UTRN: variants seen among roughly 807,000 people sequenced by gnomAD.
The protein encoded by UTRN is dystrophin-related protein 1.
UTRN carries 283 observed loss-of-function variants against 463.9 expected under a neutral mutation model. The ratio of observed to expected loss-of-function variants is 0.61; its 90% CI spans 0.55 to 0.67. The LOEUF (loss-of-function observed/expected upper bound fraction) is 0.67. UTRN is among the 30% of genes least tolerant of loss of function. UTRN has a pLI of 0.00. For missense variants in UTRN, 3,922 were observed against 4,084.3 expected, an observed-to-expected ratio of 0.96 and a Z score of 1.08; for synonymous variants, 1,442 against 1,431.5, an observed-to-expected ratio of 1.01 and a Z score of -0.17.
chr6:144,345,261 C>A (rs1281881848), intron 2 of UTRN, among the ~76,000 whole-genome samples: 1 of 152,156 alleles, frequency 6.6e-6, no homozygotes, highest in African/African-American at 2.4e-5. Flanking sequence ...AATTGGGTTT[C>A]TTGAACAAGT....
intron 51 of UTRN, among the ~76,000 whole-genome samples, chr6:144,648,980 G>A (rs1268924295): frequency 1.3e-5 from 2 of 152,126 alleles, no homozygotes; most frequent in African/African-American, 4.8e-5. Flanking sequence ...TGACAAGGAA[G>A]GGAAAGCACA....
At chr6:144,371,057 G>T (rs901362163) in intron 2 of UTRN, among the ~76,000 whole-genome samples, 1 of 152,154 alleles carries the variant, frequency 6.6e-6, no homozygotes, top group Non-Finnish European at 1.5e-5. Flanking sequence ...ACTCATCCCT[G>T]CAAGGGGGCC....
chr6:144,579,638 CAAA>C (rs1801768990), intron 51 of UTRN, among the ~76,000 whole-genome samples: 1 of 151,984 alleles, frequency 6.6e-6, no homozygotes, highest in East Asian at 1.9e-4. Flanking sequence ...TAAAATCTTT[CAAA>C]ATAAAAATAT....
chr6:144,571,233 A>T (rs1393437643), intron 50 of UTRN, among the ~76,000 whole-genome samples: 2 of 151,990 alleles, frequency 1.3e-5, no homozygotes, highest in African/African-American at 4.8e-5. Flanking sequence ...TTTTCTGTTG[A>T]TGTTTTAAAA....
At chr6:144,473,036 G>T in intron 23 of UTRN, among the ~76,000 whole-genome samples, 1 of 152,066 alleles carries the variant, frequency 6.6e-6, no homozygotes, top group Non-Finnish European at 1.5e-5. Context: ...AAAGTGCTGG[G>T]ATTACAAGCG....
At chr6:144,740,757 C>T (rs1789967875) in intron 54 of UTRN, among the ~76,000 whole-genome samples, 1 of 152,114 alleles carries the variant, frequency 6.6e-6, no homozygotes, top group Admixed American at 6.6e-5. Context: ...AAATGTTTTT[C>T]ATGCTAACTC....
intron 33 of UTRN, among the ~76,000 whole-genome samples, chr6:144,496,914 G>A (rs1452304833): frequency 6.6e-6 from 1 of 152,192 alleles, no homozygotes; most frequent in Non-Finnish European, 1.5e-5. Context: ...ATATATAAAA[G>A]CTCTAAGGCA....
At chr6:144,351,363 G>T (rs145070227) in intron 2 of UTRN, among the ~76,000 whole-genome samples, 10 of 152,152 alleles carry the variant, frequency 6.6e-5, no homozygotes, top group Non-Finnish European at 1.5e-5. Flanking sequence ...TTACCAGTGT[G>T]TCCTCGTCCT....
At chr6:144,778,911 G>A (rs1490919197) in intron 60 of UTRN, among the ~76,000 whole-genome samples, 7 of 152,150 alleles carry the variant, frequency 4.6e-5, no homozygotes, top group Admixed American at 3.3e-4. Context: ...TGATTTAAAT[G>A]TAGTCAGTTC....
At chr6:144,577,814 A>G (rs1327430727) in intron 51 of UTRN, among the ~76,000 whole-genome samples, 1 of 152,226 alleles carries the variant, frequency 6.6e-6, no homozygotes, top group African/African-American at 2.4e-5. Context: ...AAAACTTTTC[A>G]TTTATAAACA....
rs550033860 is a variant in UTRN, at chr6:144,666,984, A to G, written c.7480-11422A>G. Reference sequence around the variant, plus strand: ...ATGCTCTTGTGAAACTTAGAAAACTATGCATCTTAATGCACCACTACTACT... The same window carrying G: ...ATGCTCTTGTGAAACTTAGAAAACTGTGCATCTTAATGCACCACTACTACT... On this transcript the variant is annotated intron_variant, in intron 51 of 74. Transcript: ENST00000367545. Among the ~76,000 whole-genome samples the G allele has an allele frequency of 6.6e-5, 10 of 152,178 alleles. No homozygotes were observed. In the South Asian group the frequency reaches 1.9e-3, roughly 28 times the overall value.
At chr6:144,512,843 A>C (rs1186277158) in intron 35 of UTRN, among the ~76,000 whole-genome samples, 1 of 151,920 alleles carries the variant, frequency 6.6e-6, no homozygotes, top group Non-Finnish European at 1.5e-5. Flanking sequence ...CCCAGCCTAC[A>C]TTTTCTTTTT....
intron 2 of UTRN, among the ~76,000 whole-genome samples, chr6:144,321,461 C>CTTTTT (rs529134208): frequency 7.0e-5 from 7 of 100,444 alleles, no homozygotes; most frequent in Non-Finnish European, 1.4e-4. Context: ...TGTGCCATAT[C>CTTTTT]TTTTTTTTTT....
At chr6:144,505,544 T>G (rs991129243) in intron 34 of UTRN, among the ~76,000 whole-genome samples, 8 of 152,210 alleles carry the variant, frequency 5.3e-5, no homozygotes, top group African/African-American at 1.9e-4. Flanking sequence ...TTGTGCAGCT[T>G]CCTTGTAGTT....
intron 1 of UTRN, among the ~76,000 whole-genome samples, chr6:144,289,874 G>A (rs995591682): frequency 6.6e-6 from 1 of 151,064 alleles, no homozygotes; most frequent in African/African-American, 2.4e-5. Flanking sequence ...GGCTGGTCTC[G>A]AACTCCTGAA....
At chr6:144,732,214 T>TTATATA (rs1174420940) in intron 54 of UTRN, among the ~76,000 whole-genome samples, 226 of 92,218 alleles carry the variant, frequency 2.5e-3, no homozygotes, top group Admixed American at 4.3e-3. Context: ...GTACTCTGTT[T>TTATATA]TATATATATA....
chr6:144,328,714 C>T (rs190104722), intron 2 of UTRN, among the ~76,000 whole-genome samples: 88 of 152,122 alleles, frequency 5.8e-4, no homozygotes, highest in African/African-American at 2.1e-3. Context: ...GTTAATAGAT[C>T]AGGGTTTTTA....
chr6:144,765,885 ATTT>A (rs139005658), intron 58 of UTRN, among the ~76,000 whole-genome samples: 159 of 150,520 alleles, frequency 1.1e-3, no homozygotes, highest in Non-Finnish European at 2.2e-3. Context: ...TTTGGACAGA[ATTT>A]TTTTTTTCTT....
At chr6:144,552,264 A>G (rs1042075752) in intron 48 of UTRN, among the ~76,000 whole-genome samples, 1 of 152,248 alleles carries the variant, frequency 6.6e-6, no homozygotes, top group Non-Finnish European at 1.5e-5. Flanking sequence ...TACATTAGAA[A>G]AGAACTTTTA....
Sources: allele counts gnomAD v4.1 joint callset (sites outside exome capture counted in the v4.1 genomes callset), GRCh38; gene constraint gnomAD v4.1.1; transcripts MANE v1.5; gene names NCBI Gene and HGNC (gene_info 2026-07-23, HGNC 2026-07-21).